Variants in ARHGEF9 observed in about 807,000 individuals in gnomAD.
The protein encoded by ARHGEF9 is rho guanine nucleotide exchange factor 9.
Under a neutral mutation model 41.3 loss-of-function variants are expected in ARHGEF9, and 2 were observed. The observed-to-expected ratio is 0.05, with a 90% CI of 0.02 to 0.15. The LOEUF (loss-of-function observed/expected upper bound fraction) is 0.15. ARHGEF9 is among the 10% of genes least tolerant of loss of function. ARHGEF9 has a pLI of 1.00. For missense variants in ARHGEF9, 225 were observed against 424.7 expected (o/e 0.53, Z 4.13); for synonymous variants, 160 against 154.4 (o/e 1.04, Z -0.27).
chrX:63,703,164 A>T (rs2052299648), intron 3 of ARHGEF9: 1 of 112,540 alleles, frequency 8.9e-6, no homozygotes, highest in Admixed American at 9.4e-5. Flanking sequence ...CCATTTAAAT[A>T]CTTACCTTCA....
chrX:63,726,455 C>T (rs1300216416), intron 1 of ARHGEF9, among the ~76,000 whole-genome samples: 2 of 111,625 alleles, frequency 1.8e-5, no homozygotes, highest in African/African-American at 3.3e-5. Flanking sequence ...TCTGGTGTCT[C>T]GGCCTCCCAA....
intron 4 of ARHGEF9, among the ~76,000 whole-genome samples, chrX:63,684,171 A>C (rs781887295): frequency 9.0e-6 from 1 of 110,952 alleles, no homozygotes; most frequent in South Asian, 3.8e-4. Context: ...AGCAAAAAAA[A>C]ACAAATAAAC....
chrX:63,643,796 C>G (rs1354201883), intron 9 of ARHGEF9, among the ~76,000 whole-genome samples, 184 bp downstream of exon 9: 1 of 110,617 alleles, frequency 9.0e-6, no homozygotes, highest in Non-Finnish European at 1.9e-5. Flanking sequence ...ATACCCTATA[C>G]TATTCACTCC....
At chrX:63,666,181 T>G (rs1466052796) in intron 6 of ARHGEF9, among the ~76,000 whole-genome samples, 164 bp from the exon 7 acceptor site, 3 of 108,569 alleles carry the variant, frequency 2.8e-5, no homozygotes, top group Non-Finnish European at 5.7e-5. Flanking sequence ...CAAAAAGCTT[T>G]ACAGCTCTGT....
chrX:63,776,182 C>A (rs2056290557), intron 1 of ARHGEF9, among the ~76,000 whole-genome samples: 1 of 108,815 alleles, frequency 9.2e-6, no homozygotes, highest in African/African-American at 3.4e-5. Context: ...TGCTCTAGAC[C>A]AGAGGTGAGA....
In ARHGEF9 at chrX:63,674,241, C is replaced by T. The variant is rs782597527; in HGVS notation, c.816-74G>A. ...CCAATGTGCTAGGTGCCAATCTTAACATCCACTCTCCTCTACCTCCTTAGT... is the reference window on the plus strand; with the variant it reads ...CCAATGTGCTAGGTGCCAATCTTAATATCCACTCTCCTCTACCTCCTTAGT... On this transcript the variant is annotated intron_variant, in intron 5 of 9. Transcript: ENST00000671741. The T allele has an allele frequency of 2.8e-6, 3 of 1,085,988 alleles. No homozygotes were observed. The African/African-American group carries it at 5.4e-5, about 20-fold the overall frequency. 89.5% of individuals were successfully genotyped at this position (1,085,988 alleles called of 1,213,427 possible).
intron 1 of ARHGEF9, among the ~76,000 whole-genome samples, chrX:63,733,472 G>C (rs1237972665): frequency 8.9e-6 from 1 of 112,097 alleles, no homozygotes; most frequent in Non-Finnish European, 1.9e-5. Context: ...CTTTTCCTCA[G>C]GTTTTAACAT....
intron 1 of ARHGEF9, among the ~76,000 whole-genome samples, chrX:63,769,784 T>C (rs1287416283): frequency 8.9e-6 from 1 of 112,502 alleles, no homozygotes; most frequent in Non-Finnish European, 1.9e-5. Context: ...GTGTTAAGCC[T>C]GCAGATGCAC....
Position 63,723,599 on chromosome X carries a change from G to C in ARHGEF9, c.210+933C>G, listed in dbSNP as rs147171741. On this transcript the variant is annotated intron_variant, in intron 2 of 9. Transcript: ENST00000671741. The stretch of plus-strand genomic sequence containing the variant: ...TTTCGCATGTTTTATCTCATTCACT[G>C]TGACATGCCCTGGCATTAAAGAACT... 2.3e-3 allele frequency among the ~76,000 whole-genome samples: 259 copies of C among 112,191 alleles called. 3 individuals are homozygous for C. Among genetic ancestry groups the C allele is most frequent in the Admixed American group, 0.019 (198 of 10,628 alleles).
chrX:63,781,218 T>C (rs1556461878), intron 1 of ARHGEF9, among the ~76,000 whole-genome samples: 1 of 112,064 alleles, frequency 8.9e-6, no homozygotes, highest in East Asian at 2.8e-4. Flanking sequence ...AAATAATAAA[T>C]AGTACTGATT....
At position 63,724,577 on chromosome X, in the gene ARHGEF9, G is replaced by A; in HGVS notation, c.165C>T (p.Gly55=). Reference sequence around the variant, plus strand: ...ACCATCCCTCCTCATCGTCGATCTGGCCCCACCACCAATCCTTGTTGGAAG... The same window carrying A: ...ACCATCCCTCCTCATCGTCGATCTGACCCCACCACCAATCCTTGTTGGAAG... The part of the protein sequence containing the change: ...LDASNKDWWW[G]QIDDEEGWFP... The change falls in exon 2 of 10, where the codon GGC becomes GGT. Residue 55 remains glycine, a synonymous_variant. Transcript: ENST00000671741. 1 of 1,210,970 alleles carries A rather than the reference G, an allele frequency of 8.3e-7. No individual in the cohort carries two copies. Among genetic ancestry groups the A allele is most frequent in the Non-Finnish European group, 1.1e-6 (1 of 895,342 alleles).
chrX:63,718,566 C>T (rs1293190330), intron 2 of ARHGEF9, among the ~76,000 whole-genome samples: 1 of 111,301 alleles, frequency 9.0e-6, no homozygotes, highest in African/African-American at 3.3e-5. Context: ...AGGCAGCCAA[C>T]CAGGTTACAA....
chrX:63,680,444 C>T (rs1437735711), intron 4 of ARHGEF9, among the ~76,000 whole-genome samples: 2 of 112,324 alleles, frequency 1.8e-5, no homozygotes, highest in Non-Finnish European at 3.8e-5. Flanking sequence ...GCTTCCCCAG[C>T]TTTATGGGAC....
chrX:63,667,856 A>G (rs782186670), intron 6 of ARHGEF9, among the ~76,000 whole-genome samples: 3 of 110,985 alleles, frequency 2.7e-5, no homozygotes, highest in Non-Finnish European at 5.7e-5. Flanking sequence ...CTGGGAAAGA[A>G]AGCCACCAGG....
intron 1 of ARHGEF9, chrX:63,755,354 C>T: frequency 1.7e-6 from 1 of 583,098 alleles, no homozygotes; most frequent in Admixed American, 6.0e-5. Context: ...CACCAGCCAC[C>T]AGTTCTGGTT....
intron 9 of ARHGEF9, chrX:63,642,171 T>C (rs1479204737): frequency 9.0e-6 from 1 of 111,476 alleles, no homozygotes; most frequent in Non-Finnish European, 1.9e-5. Context: ...GTAGAGGAAA[T>C]CAGAGTGAGA....
At chrX:63,650,348 T>TA (rs1228857477) in intron 8 of ARHGEF9, among the ~76,000 whole-genome samples, 3 of 111,293 alleles carry the variant, frequency 2.7e-5, no homozygotes, top group Non-Finnish European at 5.7e-5. Context: ...TATTCAGCCA[T>TA]AAAAAAATGA....
At chrX:63,654,556 T>C (rs2048764234) in intron 8 of ARHGEF9, among the ~76,000 whole-genome samples, 1 of 112,010 alleles carries the variant, frequency 8.9e-6, no homozygotes, top group African/African-American at 3.2e-5. Flanking sequence ...TGGAGTTAGA[T>C]TTGTCTTTCT....
intron 4 of ARHGEF9, among the ~76,000 whole-genome samples, chrX:63,678,793 G>A (rs2050431673): frequency 9.0e-6 from 1 of 111,442 alleles, no homozygotes; most frequent in South Asian, 3.8e-4. Flanking sequence ...TGAGTACATA[G>A]GAATAGTAGG....
Sources: gnomAD v4.1 joint callset for allele counts (sites outside exome capture counted in the v4.1 genomes callset) on GRCh38, gnomAD v4.1.1 for gene constraint, MANE v1.5 for transcripts, NCBI Gene and HGNC (gene_info 2026-07-23, HGNC 2026-07-21) for gene names.